Variants in SYT16 observed in about 807,000 individuals in gnomAD.
SYT16 encodes synaptotagmin 16.
SYT16 carries 42 observed loss-of-function variants against 61.4 expected under a neutral mutation model. The observed-to-expected ratio is 0.68, with a 90% confidence interval of 0.53 to 0.89. SYT16 has a LOEUF of 0.89. SYT16 is among the 40% of genes least tolerant of loss of function. The pLI is 0.00. For missense variants in SYT16, 804 were observed against 807.3 expected (o/e 1.00, Z 0.05); for synonymous variants, 314 against 302.3 (o/e 1.04, Z -0.40).
intron 2 of SYT16, among the ~76,000 whole-genome samples, chr14:61,981,046 A>C (rs2052052405): frequency 1.3e-5 from 2 of 152,140 alleles, no homozygotes; most frequent in South Asian, 4.1e-4. Flanking sequence ...TAAATCTGCA[A>C]GTTGAGCTGA....
At chr14:62,084,743 C>A (rs2056830408) in intron 7 of SYT16, among the ~76,000 whole-genome samples, 1 of 152,218 alleles carries the variant, frequency 6.6e-6, no homozygotes, top group Non-Finnish European at 1.5e-5. Context: ...TAAGGCAGAT[C>A]TGGGATTGAA....
At chr14:61,979,032 G>T (rs1379058134) in intron 2 of SYT16, among the ~76,000 whole-genome samples, 3 of 152,240 alleles carry the variant, frequency 2.0e-5, no homozygotes, top group East Asian at 3.9e-4. Context: ...TCCCATCTCT[G>T]TATCTTTCAG....
intron 1 of SYT16, among the ~76,000 whole-genome samples, chr14:61,929,747 TATC>T (rs1441128806): frequency 6.6e-6 from 1 of 152,202 alleles, no homozygotes; most frequent in East Asian, 1.9e-4. Flanking sequence ...AAAAGGGTAA[TATC>T]ATAGCAAAGG....
chr14:61,854,958 A>G (rs1027694508), intron 1 of SYT16, among the ~76,000 whole-genome samples: 31 of 151,780 alleles, frequency 2.0e-4, no homozygotes, highest in African/African-American at 6.8e-4. Context: ...TGCTTGTCTC[A>G]TATTAGTGAA....
intron 3 of SYT16, among the ~76,000 whole-genome samples, chr14:62,015,119 TCTA>T (rs2053617318): frequency 6.6e-6 from 1 of 152,230 alleles, no homozygotes; most frequent in Admixed American, 6.5e-5. Context: ...TGCTTCCTCT[TCTA>T]TGTTCCGATA....
At chr14:61,865,155 T>C (rs975516893) in intron 1 of SYT16, 4 of 1,231,872 alleles carry the variant, frequency 3.2e-6, no homozygotes, top group African/African-American at 3.0e-5. Flanking sequence ...TGCCGCTCCC[T>C]GCAGTTACTG....
At chr14:61,976,871 GT>G (rs796298404) in intron 2 of SYT16, among the ~76,000 whole-genome samples, 107 of 147,608 alleles carry the variant, frequency 7.2e-4, no homozygotes, top group African/African-American at 1.9e-3. Flanking sequence ...CCCAGAAAAT[GT>G]TTTTTTTTTT....
intron 6 of SYT16, among the ~76,000 whole-genome samples, chr14:62,082,027 G>C (rs991054029): frequency 6.6e-5 from 10 of 152,232 alleles, no homozygotes; most frequent in African/African-American, 9.6e-5. Context: ...TGGCCAAGTA[G>C]GCAAGGAGAC....
chr14:61,923,748 C>T (rs2049428396), intron 1 of SYT16, among the ~76,000 whole-genome samples: 1 of 151,884 alleles, frequency 6.6e-6, no homozygotes, highest in Non-Finnish European at 1.5e-5. Flanking sequence ...ACTGTTACAA[C>T]TTAATTATCT....
intron 7 of SYT16, among the ~76,000 whole-genome samples, chr14:62,084,770 C>T (rs1595378429): frequency 6.6e-6 from 1 of 152,160 alleles, no homozygotes; most frequent in African/African-American, 2.4e-5. Context: ...CTTTACCTAC[C>T]ACTTAACCAC....
At chr14:62,053,364 C>A (rs548365833) in intron 3 of SYT16, among the ~76,000 whole-genome samples, 6 of 152,244 alleles carry the variant, frequency 3.9e-5, no homozygotes, top group African/African-American at 1.2e-4. Context: ...GGACTCTGAC[C>A]GGAACTTACG....
intron 3 of SYT16, among the ~76,000 whole-genome samples, chr14:62,036,431 C>G (rs969809164): frequency 1.3e-5 from 2 of 152,176 alleles, no homozygotes; most frequent in Admixed American, 1.3e-4. Context: ...AGAAGCTGCC[C>G]TGCTGGCCAT....
At chr14:61,815,963 G>C (rs2045414679) in intron 1 of SYT16, among the ~76,000 whole-genome samples, 1 of 152,188 alleles carries the variant, frequency 6.6e-6, no homozygotes, top group African/African-American at 2.4e-5. Context: ...GGATCAGCCA[G>C]GCATGTTTAG....
intron 1 of SYT16, among the ~76,000 whole-genome samples, chr14:61,939,775 G>A (rs1008759599): frequency 2.0e-5 from 3 of 152,040 alleles, no homozygotes; most frequent in Non-Finnish European, 4.4e-5. Context: ...GTCTAAGGGG[G>A]AAGAAAAAGG....
chr14:61,934,282 T>A (rs1439143092), intron 1 of SYT16, among the ~76,000 whole-genome samples: 1 of 152,246 alleles, frequency 6.6e-6, no homozygotes, highest in Non-Finnish European at 1.5e-5. Flanking sequence ...TTACATTTTT[T>A]TGTACCTATA....
chr14:61,922,354 A>G (rs185755807), intron 1 of SYT16, among the ~76,000 whole-genome samples: 2 of 152,344 alleles, frequency 1.3e-5, no homozygotes, highest in East Asian at 3.8e-4. Flanking sequence ...ACGCAGCCAT[A>G]AAAAGAATGA....
intron 1 of SYT16, among the ~76,000 whole-genome samples, chr14:61,853,165 C>T (rs1436816575): frequency 6.6e-6 from 1 of 152,208 alleles, no homozygotes; most frequent in African/African-American, 2.4e-5. Context: ...ATGATCCACC[C>T]GCTTTGGCCT....
At chr14:61,934,531 T>G (rs535849121) in intron 1 of SYT16, among the ~76,000 whole-genome samples, 1 of 152,210 alleles carries the variant, frequency 6.6e-6, no homozygotes, top group African/African-American at 2.4e-5. Flanking sequence ...ACTACACTTG[T>G]GGGTAGCACG....
chr14:61,844,858 T>C (rs1003122174), intron 1 of SYT16, among the ~76,000 whole-genome samples: 1 of 152,114 alleles, frequency 6.6e-6, no homozygotes, highest in Non-Finnish European at 1.5e-5. Flanking sequence ...TTTTAATATG[T>C]CTTTGTCTGG....
Sources: allele counts gnomAD v4.1 joint callset (sites outside exome capture counted in the v4.1 genomes callset), GRCh38; gene constraint gnomAD v4.1.1; transcripts MANE v1.5; gene names NCBI Gene and HGNC (gene_info 2026-07-23, HGNC 2026-07-21).